Variants in MTMR8 observed in about 807,000 individuals in gnomAD.
MTMR8 encodes the protein phosphatidylinositol-3,5-bisphosphate 3-phosphatase MTMR8.
In MTMR8, 65 loss-of-function variants were observed where a neutral mutation model predicts 39.3. The ratio of observed to expected loss-of-function variants is 1.65; its 90% CI spans 1.35 to 2.03. MTMR8 has a LOEUF of 2.03. Among genes scored for constraint, MTMR8 ranks in the 30% most tolerant of loss-of-function variants. The probability of loss-of-function intolerance (pLI) is 0.00; values close to 1 mark genes in which losing one functional copy is unlikely to be tolerated. For missense variants in MTMR8, 777 were observed against 538.9 expected, an observed-to-expected ratio of 1.44 and a Z score of -4.37; for synonymous variants, 245 against 185.2, an observed-to-expected ratio of 1.32 and a Z score of -2.62.
intron 1 of MTMR8, among the ~76,000 whole-genome samples, chrX:64,372,737 A>G (rs1247215734): frequency 9.0e-6 from 1 of 111,582 alleles, no homozygotes; most frequent in Non-Finnish European, 1.9e-5. Context: ...CACTGAAGGG[A>G]CATATGGGTA....
At chrX:64,365,397 C>A (rs910219600) in intron 1 of MTMR8, among the ~76,000 whole-genome samples, 8 of 111,492 alleles carry the variant, frequency 7.2e-5, no homozygotes, top group African/African-American at 2.6e-4. Context: ...GCCCACCAGA[C>A]TAACAGCGGA....
intron 1 of MTMR8, among the ~76,000 whole-genome samples, chrX:64,393,147 G>A (rs1229931846): frequency 9.0e-6 from 1 of 111,720 alleles, no homozygotes; most frequent in Non-Finnish European, 1.9e-5. Flanking sequence ...TCTTGAGCAC[G>A]AACCCTATCC....
intron 8 of MTMR8, 118 bp from the exon 9 acceptor site, chrX:64,337,511 A>AT (rs769061600): frequency 5.2e-6 from 4 of 763,501 alleles, no homozygotes; most frequent in African/African-American, 2.2e-5. Flanking sequence ...GGCTACATTA[A>AT]TTTTTTCTCA....
chrX:64,306,690 G>A (rs1245278820), intron 12 of MTMR8: 1 of 112,537 alleles, frequency 8.9e-6, no homozygotes, highest in Non-Finnish European at 1.9e-5. Context: ...TGTGGACTTT[G>A]TTCTCAAAAT....
chrX:64,284,052 T>C (rs888627235), intron 12 of MTMR8, among the ~76,000 whole-genome samples: 6 of 111,644 alleles, frequency 5.4e-5, no homozygotes, highest in African/African-American at 1.3e-4. Context: ...TTCGAACCCA[T>C]GGCAAAGAAG....
chrX:64,355,029 G>A, intron 3 of MTMR8, 95 bp from the exon 4 acceptor site: 12 of 812,767 alleles, frequency 1.5e-5, no homozygotes, highest in Non-Finnish European at 2.0e-5. Flanking sequence ...CTTTTCCTAA[G>A]GGAATGTTTG....
At chrX:64,342,568 T>C (rs1438325801) in intron 8 of MTMR8, among the ~76,000 whole-genome samples, 4 of 112,392 alleles carry the variant, frequency 3.6e-5, no homozygotes, top group African/African-American at 9.7e-5. Flanking sequence ...ACTATAGATA[T>C]ATGGATGTAG....
intron 5 of MTMR8, among the ~76,000 whole-genome samples, chrX:64,349,337 C>T (rs777889757): frequency 8.9e-6 from 1 of 111,738 alleles, no homozygotes; most frequent in East Asian, 2.8e-4. Context: ...ATTCGTTACA[C>T]TTTGATGTGG....
At chrX:64,292,374 C>T (rs1407707111) in intron 12 of MTMR8, among the ~76,000 whole-genome samples, 2 of 111,505 alleles carry the variant, frequency 1.8e-5, no homozygotes. Flanking sequence ...AAGGAAGTGG[C>T]TATCCTACTC....
In MTMR8 at chrX:64,328,805, A is replaced by G; in HGVS notation, c.1448T>C (p.Val483Ala). The change falls in exon 12 of 14, where the codon GTA becomes GCA. Residue 483 changes from valine to alanine, a missense_variant. Coordinates refer to ENST00000374852, the MANE Select transcript of MTMR8 (RefSeq NM_017677.4). ...GTAGGGCACAGTACTAGGATTGAGT[A>G]CCCCATACATAGTGAAGCCTTTATA... is the stretch of plus-strand genomic sequence containing the variant. ...PLYKGFTMYG[V>A]LNPSTVPYNI... 7.5e-6 allele frequency: 9 copies of G among 1,197,484 alleles called. No homozygotes were observed. The highest frequency in any genetic ancestry group is 1.0e-5 in the Non-Finnish European group (9 of 890,018).
At chrX:64,395,106 G>A (rs1569235899) in intron 1 of MTMR8, among the ~76,000 whole-genome samples, 1 of 112,066 alleles carries the variant, frequency 8.9e-6, no homozygotes, top group Non-Finnish European at 1.9e-5. Context: ...GCGGCGTCGC[G>A]TAAGGGGACA....
intron 1 of MTMR8, among the ~76,000 whole-genome samples, chrX:64,362,976 A>C (rs1195541027): frequency 3.6e-5 from 4 of 111,243 alleles, no homozygotes; most frequent in Non-Finnish European, 7.5e-5. Context: ...ATAACCATGA[A>C]GAGAAGCTCA....
chrX:64,299,558 GT>G (rs1300659349), intron 12 of MTMR8, among the ~76,000 whole-genome samples: 2 of 80,138 alleles, frequency 2.5e-5, no homozygotes, highest in Non-Finnish European at 4.8e-5. Flanking sequence ...TTTTTGAAGG[GT>G]TTTTTGTGTC....
At chrX:64,391,538 C>CG (rs1924690243) in intron 1 of MTMR8, among the ~76,000 whole-genome samples, 1 of 111,758 alleles carries the variant, frequency 8.9e-6, no homozygotes, top group African/African-American at 3.3e-5. Flanking sequence ...GGCATCTCAT[C>CG]ACCTTACTTA....
intron 12 of MTMR8, among the ~76,000 whole-genome samples, chrX:64,321,045 A>T (rs912153697): frequency 7.1e-4 from 79 of 112,032 alleles, no homozygotes; most frequent in African/African-American, 2.4e-3. Flanking sequence ...CTAAACTAAC[A>T]ATTACAACCC....
At chrX:64,392,474 A>G (rs1459157635) in intron 1 of MTMR8, among the ~76,000 whole-genome samples, 2 of 112,384 alleles carry the variant, frequency 1.8e-5, no homozygotes, top group Non-Finnish European at 3.8e-5. Flanking sequence ...TAAGTACAAC[A>G]AAAGAGTAAA....
At chrX:64,390,997 G>A (rs1924677661) in intron 1 of MTMR8, among the ~76,000 whole-genome samples, 1 of 112,127 alleles carries the variant, frequency 8.9e-6, no homozygotes, top group Non-Finnish European at 1.9e-5. Flanking sequence ...ATTAGTTTTA[G>A]TAAATTTGGA....
At chrX:64,360,340 G>C (rs769049353) in intron 1 of MTMR8, 24 of 280,820 alleles carry the variant, frequency 8.5e-5, no homozygotes, top group Non-Finnish European at 1.5e-4. Context: ...AGGAACAAGT[G>C]CACATGGATA....
intron 12 of MTMR8, among the ~76,000 whole-genome samples, chrX:64,301,903 TGAG>T (rs1921893838): frequency 8.9e-6 from 1 of 111,863 alleles, no homozygotes; most frequent in African/African-American, 3.3e-5. Flanking sequence ...GGGACCCACT[TGAG>T]GAGGTAGTCT....
Sources: gnomAD v4.1 joint callset for allele counts (sites outside exome capture counted in the v4.1 genomes callset) on GRCh38, gnomAD v4.1.1 for gene constraint, MANE v1.5 for transcripts, NCBI Gene and HGNC (gene_info 2026-07-23, HGNC 2026-07-21) for gene names.